The following MEI4 variants were observed in gnomAD, a reference collection of about 807,000 sequenced individuals.
The protein encoded by MEI4 is meiotic double-stranded break formation protein 4.
A neutral mutation model predicts 31.4 loss-of-function variants in MEI4; 27 were observed. That is an observed-to-expected ratio of 0.86 (90% CI 0.63 to 1.19). The LOEUF (loss-of-function observed/expected upper bound fraction) is 1.19, where lower values mean the gene tolerates loss of function less well. Ranked by LOEUF, MEI4 falls within the 50% of genes most tolerant of loss-of-function variation. MEI4 has a pLI of 0.00. For missense variants in MEI4, 329 were observed against 398.9 expected (o/e 0.82, Z 1.49); for synonymous variants, 122 against 145.4 (o/e 0.84, Z 1.16).
chr6:77,774,749 T>C (rs1768396910), intron 3 of MEI4, among the ~76,000 whole-genome samples: 1 of 152,000 alleles, frequency 6.6e-6, no homozygotes, highest in South Asian at 2.1e-4. Flanking sequence ...GAGCTGCAGC[T>C]CTCTACTCTT....
At position 77,884,356 on chromosome 6, in the gene MEI4, A is replaced by G. The variant is rs77776283; in HGVS notation, c.901-38733A>G. Among the ~76,000 whole-genome samples, 832 of 152,208 alleles carry G rather than the reference A, an allele frequency of 5.5e-3. 8 individuals are homozygous for G. The highest frequency in any genetic ancestry group is 0.019 in the African/African-American group (788 of 41,552). Reference sequence around the variant, plus strand: ...TGTTGTGCAGAAGCTTTTTAGTTTAATGTAATAGTAATATGTGTCTATTAT... The same window carrying G: ...TGTTGTGCAGAAGCTTTTTAGTTTAGTGTAATAGTAATATGTGTCTATTAT... On this transcript the variant is annotated intron_variant, in intron 4 of 4. Coordinates refer to ENST00000684080, the MANE Select transcript of MEI4 (RefSeq NM_001322247.2).
At chr6:77,828,535 A>G (rs1233045597) in intron 3 of MEI4, among the ~76,000 whole-genome samples, 1 of 152,114 alleles carries the variant, frequency 6.6e-6, no homozygotes, top group Non-Finnish European at 1.5e-5. Flanking sequence ...TGTCTTCCAC[A>G]AAACTGGTCC....
At chr6:77,844,012 A>G (rs1025816629) in intron 4 of MEI4, among the ~76,000 whole-genome samples, 3 of 152,208 alleles carry the variant, frequency 2.0e-5, no homozygotes, top group Non-Finnish European at 4.4e-5. Flanking sequence ...GTGGTTAAGT[A>G]TAGGTATTTT....
rs151142524 is a variant in MEI4, at chr6:77,799,872, G to C, written c.769-29059G>C. Among the ~76,000 whole-genome samples, 561 of 152,220 alleles carry C rather than the reference G, an allele frequency of 3.7e-3. 20 individuals are homozygous for C. In the East Asian group the frequency reaches 0.086, roughly 23 times the overall value. On this transcript the variant is annotated intron_variant, in intron 3 of 4. Transcript: ENST00000684080. ...CGTCTATATCTCTGCTTTGGTACTG[G>C]TACCATGCTGTTTTGGTTACTGTAG... is the stretch of plus-strand genomic sequence containing the variant.
intron 3 of MEI4, among the ~76,000 whole-genome samples, chr6:77,765,435 C>CT (rs1381323768): frequency 1.3e-5 from 2 of 151,140 alleles, no homozygotes; most frequent in African/African-American, 2.4e-5. Flanking sequence ...TATTATTATA[C>CT]TTTAAGTTTT....
At chr6:77,738,453 G>GT (rs1767312713) in intron 2 of MEI4, among the ~76,000 whole-genome samples, 1 of 152,180 alleles carries the variant, frequency 6.6e-6, no homozygotes, top group East Asian at 1.9e-4. Flanking sequence ...AGCTAGTGCT[G>GT]TATCTATTTT....
At chr6:77,775,090 A>AGTCAACCCT in intron 3 of MEI4, among the ~76,000 whole-genome samples, 1 of 152,202 alleles carries the variant, frequency 6.6e-6, no homozygotes, top group East Asian at 1.9e-4. Context: ...CTCTCTTACA[A>AGTCAACCCT]GAATATTTGC....
intron 3 of MEI4, among the ~76,000 whole-genome samples, chr6:77,799,816 T>C (rs1582158594): frequency 1.3e-5 from 2 of 152,274 alleles, no homozygotes; most frequent in East Asian, 3.9e-4. Flanking sequence ...ATATGCAGTG[T>C]TATTTCTGAG....
At chr6:77,862,990 TCC>T (rs1382244294) in intron 4 of MEI4, among the ~76,000 whole-genome samples, 1 of 151,976 alleles carries the variant, frequency 6.6e-6, no homozygotes, top group Non-Finnish European at 1.5e-5. Flanking sequence ...TCCAGCAAAC[TCC>T]AACAGACCTG....
chr6:77,684,168 CTTCT>C (rs1769009431), intron 1 of MEI4, among the ~76,000 whole-genome samples: 1 of 146,250 alleles, frequency 6.8e-6, no homozygotes, highest in Non-Finnish European at 1.5e-5. Flanking sequence ...ATTCATATGT[CTTCT>C]TTTGAGAATT....
At chr6:77,816,625 G>T (rs948313587) in intron 3 of MEI4, among the ~76,000 whole-genome samples, 15 of 152,042 alleles carry the variant, frequency 9.9e-5, no homozygotes, top group Non-Finnish European at 1.2e-4. Flanking sequence ...CTTTATAGCA[G>T]CATGATTTAT....
chr6:77,750,870 AG>A (rs1417221035), intron 2 of MEI4, among the ~76,000 whole-genome samples: 1 of 152,230 alleles, frequency 6.6e-6, no homozygotes, highest in African/African-American at 2.4e-5. Flanking sequence ...CATAATTGGA[AG>A]TAAAACACTT....
At chr6:77,768,498 G>A (rs915817271) in intron 3 of MEI4, among the ~76,000 whole-genome samples, 6 of 152,120 alleles carry the variant, frequency 3.9e-5, no homozygotes, top group African/African-American at 7.2e-5. Context: ...TCAGGAGTTC[G>A]AGACCAGCCT....
At chr6:77,696,882 A>T (rs1035665054) in intron 2 of MEI4, among the ~76,000 whole-genome samples, 2 of 152,200 alleles carry the variant, frequency 1.3e-5, no homozygotes, top group Non-Finnish European at 2.9e-5. Context: ...TCGGCTGTGA[A>T]TCCATCTGGT....
chr6:77,684,499 C>A (rs929100112), intron 1 of MEI4, among the ~76,000 whole-genome samples: 1 of 152,010 alleles, frequency 6.6e-6, no homozygotes, highest in East Asian at 1.9e-4. Flanking sequence ...CCCCAGGTCC[C>A]CCACTACCCT....
chr6:77,907,864 C>G (rs1291037121), intron 4 of MEI4, among the ~76,000 whole-genome samples: 1 of 152,120 alleles, frequency 6.6e-6, no homozygotes, highest in Non-Finnish European at 1.5e-5. Context: ...GATGGTATCT[C>G]ATTGTGGTTT....
intron 4 of MEI4, among the ~76,000 whole-genome samples, chr6:77,849,143 T>G (rs1422465736): frequency 6.6e-6 from 1 of 152,132 alleles, no homozygotes; most frequent in Non-Finnish European, 1.5e-5. Context: ...ATAACAATAA[T>G]AAACCATTTA....
chr6:77,743,748 C>T (rs529233936), intron 2 of MEI4, among the ~76,000 whole-genome samples: 1 of 152,200 alleles, frequency 6.6e-6, no homozygotes, highest in South Asian at 2.1e-4. Context: ...CCTCACATGG[C>T]CAGGTACTCC....
intron 4 of MEI4, among the ~76,000 whole-genome samples, chr6:77,921,059 A>C (rs1354057006): frequency 6.6e-6 from 1 of 151,888 alleles, no homozygotes; most frequent in Admixed American, 6.6e-5. Flanking sequence ...AATCCTTTGA[A>C]GCTCAGCATT....
Sources: gnomAD v4.1 joint callset for allele counts (sites outside exome capture counted in the v4.1 genomes callset) on GRCh38, gnomAD v4.1.1 for gene constraint, MANE v1.5 for transcripts, NCBI Gene and HGNC (gene_info 2026-07-23, HGNC 2026-07-21) for gene names.